Variants in TBC1D30 observed in about 807,000 individuals in gnomAD.
The protein encoded by TBC1D30 is TBC1 domain family, member 30.
A neutral mutation model predicts 63.2 loss-of-function variants in TBC1D30; 31 were observed. The observed-to-expected ratio is 0.49, with a 90% CI of 0.37 to 0.66. The LOEUF is 0.66. Ranked by LOEUF, TBC1D30 falls within the 30% of genes least tolerant of loss-of-function variation. The probability of loss-of-function intolerance (pLI) is 0.00; values close to 1 mark genes in which losing one functional copy is unlikely to be tolerated. For missense variants in TBC1D30, 810 were observed against 953.6 expected, an observed-to-expected ratio of 0.85 and a Z score of 1.98; for synonymous variants, 307 against 361.5, an observed-to-expected ratio of 0.85 and a Z score of 1.71.
chr12:64,784,520 A>G (rs1223255523), intron 1 of TBC1D30, among the ~76,000 whole-genome samples: 2 of 151,092 alleles, frequency 1.3e-5, no homozygotes, highest in African/African-American at 4.9e-5. Context: ...CCCACAGAGA[A>G]CCTCTAATGG....
At chr12:64,767,956 G>A (rs1426662023) in intron 1 of TBC1D30, among the ~76,000 whole-genome samples, 1 of 152,066 alleles carries the variant, frequency 6.6e-6, no homozygotes, top group Non-Finnish European at 1.5e-5. Context: ...ACAGTGCTTG[G>A]TAGAACTCTT....
chr12:64,834,045 C>T (rs1311730360), intron 5 of TBC1D30, among the ~76,000 whole-genome samples: 4 of 152,024 alleles, frequency 2.6e-5, no homozygotes, highest in African/African-American at 9.7e-5. Context: ...TAAAAACTCA[C>T]GTAAAAATAT....
chr12:64,849,082 A>G (rs961268249), intron 8 of TBC1D30, among the ~76,000 whole-genome samples: 6 of 152,170 alleles, frequency 3.9e-5, no homozygotes, highest in Non-Finnish European at 8.8e-5. Context: ...TCTTTTGAGA[A>G]GTGTCTGTTC....
Position 64,878,623 on chromosome 12 carries a change from CATT to C in TBC1D30, c.*2836_*2838del, listed in dbSNP as rs1285458319. 47 of 445,968 alleles carry C rather than the reference CATT, an allele frequency of 1.1e-4. No individual in the cohort carries two copies. The highest frequency in any genetic ancestry group is 6.4e-4 in the African/African-American group (32 of 49,954). 27.6% of individuals were successfully genotyped at this position (445,968 alleles called of 1,614,324 possible). A position where few individuals can be genotyped will look rare whatever the true frequency, so the allele number is the denominator to read the frequency against. ...ACAAAGCTATATGCATAAAGATTCT[CATT>C]GTTGTAACTGTTCTGCCATTTTCTG... On this transcript the variant is annotated 3_prime_UTR_variant, in exon 12 of 12. Coordinates refer to ENST00000539867, the MANE Select transcript of TBC1D30 (RefSeq NM_015279.2).
At chr12:64,829,190 G>A (rs1874627461) in intron 3 of TBC1D30, among the ~76,000 whole-genome samples, 1 of 152,120 alleles carries the variant, frequency 6.6e-6, no homozygotes, top group Non-Finnish European at 1.5e-5. Flanking sequence ...TTTGAGCAGG[G>A]GAGTGACATG....
In TBC1D30 at chr12:64,830,483, TG is replaced by T; in HGVS notation, c.392del (p.Gly131GlufsTer4). 1 of 1,533,942 alleles carries T rather than the reference TG, an allele frequency of 6.5e-7. No individual in the cohort carries two copies. The highest frequency in any genetic ancestry group is 8.7e-7 in the Non-Finnish European group (1 of 1,145,472). On this transcript the variant is annotated frameshift_variant, in exon 4 of 12. Coordinates refer to ENST00000539867, the MANE Select transcript of TBC1D30 (RefSeq NM_015279.2). LOFTEE classifies it high-confidence loss of function. ...AGGAGTAATCCTGATGATGACTCCA[TG>T]GGAATTCAGATAGTCAAGGTAATGC... Reference protein sequence around the residue: ...NERSNPDDDSMGIQIVKDLHR... With the variant: ...NERSNPDDDSXGIQIVKDLHR...
At chr12:64,865,158 T>A (rs1878110572) in intron 9 of TBC1D30, among the ~76,000 whole-genome samples, 1 of 150,740 alleles carries the variant, frequency 6.6e-6, no homozygotes, top group Admixed American at 6.6e-5. Context: ...AATAGGCATA[T>A]TGAATCAATG....
At chr12:64,785,144 A>G (rs1046814556) in intron 1 of TBC1D30, among the ~76,000 whole-genome samples, 2 of 121,876 alleles carry the variant, frequency 1.6e-5, no homozygotes, top group African/African-American at 6.8e-5. Flanking sequence ...AGTACTTTAA[A>G]GACTTTTTTT....
rs969407717 is a variant in TBC1D30 at position 64,870,475 on chromosome 12, G to T, written c.1292-127G>T. The T allele has an allele frequency of 5.5e-6, 4 of 729,372 alleles. No homozygotes were observed. In the African/African-American group the frequency reaches 7.1e-5, roughly 13 times the overall value. The allele number at this position is 729,372 out of a possible 1,614,324, so 45.2% of individuals were successfully genotyped here. On this transcript the variant is annotated intron_variant, in intron 10 of 11. Coordinates refer to ENST00000539867, the MANE Select transcript of TBC1D30 (RefSeq NM_015279.2). Reference sequence around the variant, plus strand: ...AAGCACTAGACAAACTCTAGTATGCGTTTTTTTCTGTGGTTTAGAATTTCA... The same window carrying T: ...AAGCACTAGACAAACTCTAGTATGCTTTTTTTTCTGTGGTTTAGAATTTCA...
chr12:64,828,978 G>A (rs556035682), intron 3 of TBC1D30, among the ~76,000 whole-genome samples: 28 of 152,100 alleles, frequency 1.8e-4, no homozygotes, highest in African/African-American at 6.0e-4. Context: ...GCCCTCAGGC[G>A]GGAGCATCTT....
intron 4 of TBC1D30, among the ~76,000 whole-genome samples, chr12:64,831,850 A>G (rs1229016103): frequency 2.0e-5 from 3 of 152,210 alleles, no homozygotes; most frequent in Non-Finnish European, 4.4e-5. Flanking sequence ...ATTCTGAGCT[A>G]CTTTTTGTGG....
intron 5 of TBC1D30, among the ~76,000 whole-genome samples, chr12:64,835,565 G>A (rs11837119): frequency 0.011 from 1,747 of 152,240 alleles, 46 homozygotes; most frequent in African/African-American, 0.04. Context: ...AATGGGTCAG[G>A]TACATAGCAT....
Position 64,875,906 on chromosome 12 carries a change from C to A in TBC1D30, c.*118C>A. The A allele has an allele frequency of 9.5e-7, 1 of 1,054,870 alleles. No homozygotes were observed. The highest frequency in any genetic ancestry group is 1.3e-6 in the Non-Finnish European group (1 of 766,160). The allele number at this position is 1,054,870 out of a possible 1,614,324, so 65.3% of individuals were successfully genotyped here. A position where few individuals can be genotyped will look rare whatever the true frequency, so the allele number is the denominator to read the frequency against. On this transcript the variant is annotated 3_prime_UTR_variant, in exon 12 of 12. Transcript: ENST00000539867. ...GAAAATGAATAGGTTCAGGGATGAG[C>A]AACAGCCCATAAAAAATGGGAACTG...
intron 2 of TBC1D30, chr12:64,787,310 T>C (rs1485855511): frequency 5.8e-5 from 54 of 938,438 alleles, no homozygotes; most frequent in Non-Finnish European, 6.5e-5. Context: ...TTATGTTTTA[T>C]TCTGCTAACA....
intron 8 of TBC1D30, among the ~76,000 whole-genome samples, chr12:64,859,212 G>A (rs1246639763): frequency 6.6e-6 from 1 of 152,116 alleles, no homozygotes; most frequent in Non-Finnish European, 1.5e-5. Flanking sequence ...GTCAAGGTCT[G>A]TTGATAATAT....
intron 2 of TBC1D30, among the ~76,000 whole-genome samples, chr12:64,806,088 G>A (rs904971962): frequency 9.2e-5 from 14 of 152,368 alleles, no homozygotes; most frequent in African/African-American, 3.4e-4. Context: ...CCAATGGGAA[G>A]ACCAGTGGAA....
At chr12:64,798,571 G>A (rs1872411089) in intron 2 of TBC1D30, among the ~76,000 whole-genome samples, 1 of 152,218 alleles carries the variant, frequency 6.6e-6, no homozygotes, top group South Asian at 2.1e-4. Flanking sequence ...ACTCGTTTGA[G>A]TGGTATTAGA....
At chr12:64,837,485 G>A (rs571463813) in intron 6 of TBC1D30, among the ~76,000 whole-genome samples, 21 of 151,908 alleles carry the variant, frequency 1.4e-4, no homozygotes, top group African/African-American at 4.6e-4. Context: ...TAAGGAGCGC[G>A]AAACCTAGAT....
At position 64,876,575 on chromosome 12, in the gene TBC1D30, T is replaced by C. The variant is rs1184843441; in HGVS notation, c.*787T>C. The C allele has an allele frequency of 2.9e-6, 1 of 342,330 alleles. No individual in the cohort carries two copies. Among genetic ancestry groups the C allele is most frequent in the African/African-American group, 2.1e-5 (1 of 46,592 alleles). The allele number at this position is 342,330 out of a possible 1,614,324, so 21.2% of individuals were successfully genotyped here. ...TCTCAAGGAGAGCTTTGATCCTCAG[T>C]GGTACGGATGACTTGATGGGCTCCA... On this transcript the variant is annotated 3_prime_UTR_variant, in exon 12 of 12. Transcript: ENST00000539867.
Sources: gnomAD v4.1 joint callset for allele counts (sites outside exome capture counted in the v4.1 genomes callset) on GRCh38, gnomAD v4.1.1 for gene constraint, MANE v1.5 for transcripts, NCBI Gene and HGNC (gene_info 2026-07-23, HGNC 2026-07-21) for gene names.